SLC12A3: variants seen among roughly 807,000 people sequenced by gnomAD.
The protein encoded by SLC12A3 is Na-Cl cotransporter.
A neutral mutation model predicts 121.0 loss-of-function variants in SLC12A3; 104 were observed. The observed-to-expected ratio is 0.86, with a 90% CI of 0.73 to 1.01. The LOEUF (loss-of-function observed/expected upper bound fraction) is 1.01. Among genes scored for constraint, SLC12A3 ranks in the 50% least tolerant of loss-of-function variants. The pLI is 0.00. For missense variants in SLC12A3, 1,328 were observed against 1,356.3 expected (o/e 0.98, Z 0.33); for synonymous variants, 536 against 533.4 (o/e 1.00, Z -0.07).
intron 8 of SLC12A3, among the ~76,000 whole-genome samples, chr16:56,877,120 G>A (rs910207402): frequency 1.8e-4 from 27 of 152,312 alleles, no homozygotes; most frequent in Admixed American, 1.2e-3. Flanking sequence ...GGCCGGGCGC[G>A]GGGGCTCACG....
chr16:56,887,798 A>ATATATATATATATATATATATATATTT (rs1433682477), intron 17 of SLC12A3, 127 bp from the exon 18 acceptor site: 1 of 68,434 alleles, frequency 1.5e-5, no homozygotes, highest in Non-Finnish European at 2.9e-5. Context: ...ATATATATAT[A>ATATATATATATATATATATATATATTT]TTTTTTTTTT....
Position 56,890,367 on chromosome 16 carries a change from GCCCCA to G in SLC12A3, c.2368+15_2368+19del. 1 of 1,611,090 alleles carries G rather than the reference GCCCCA, an allele frequency of 6.2e-7. No individual in the cohort carries two copies. Among genetic ancestry groups the G allele is most frequent in the Non-Finnish European group, 8.5e-7 (1 of 1,177,258 alleles). ...TGATGCAGGCGCACAGTGAGTACAT[GCCCCA>G]CCCACTCCCAGAAAGTTCTAGAACA... is the stretch of plus-strand genomic sequence containing the variant. On this transcript the variant is annotated intron_variant, in intron 19 of 25. Coordinates refer to ENST00000563236, the MANE Select transcript of SLC12A3 (RefSeq NM_001126108.2).
chr16:56,893,035 C>T lies in SLC12A3; in HGVS notation c.2502C>T (p.Tyr834=), dbSNP rs2055411248. The T allele has an allele frequency of 2.0e-5, 32 of 1,614,016 alleles. No individual in the cohort carries two copies. In the East Asian group the frequency reaches 6.5e-4, roughly 33 times the overall value. The change falls in exon 21 of 26, where the codon TAC becomes TAT. Residue 834 remains tyrosine (Y), a synonymous_variant. Transcript: ENST00000563236. ...AGGGCAAGAAGACCATAGACATCTA[C>T]TGGCTCTTTGACGATGGAGGTCAGT... The part of the protein sequence containing the change: ...SEQGKKTIDI[Y]WLFDDGGLTL...
At chr16:56,867,451 C>A (rs1397841021) in intron 2 of SLC12A3, among the ~76,000 whole-genome samples, 1 of 152,182 alleles carries the variant, frequency 6.6e-6, no homozygotes. Flanking sequence ...ACACACAAAT[C>A]CGTAAATGTG....
At position 56,872,656 on chromosome 16, in the gene SLC12A3, C is replaced by T. The variant is rs142679083; in HGVS notation, c.965C>T (p.Ala322Val). The T allele has an allele frequency of 2.4e-3, 3,888 of 1,614,262 alleles. 11 individuals are homozygous for T. Among genetic ancestry groups the T allele is most frequent in the Non-Finnish European group, 2.8e-3 (3,349 of 1,180,050 alleles). Reference sequence around the variant, plus strand: ...TACTCATCAGGCCTTGCTTTTCCAGCGGACATTTTTGTCCAGAACTTGGTG... The same window carrying T: ...TACTCATCAGGCCTTGCTTTTCCAGTGGACATTTTTGTCCAGAACTTGGTG... ...KASKGFFSYRADIFVQNLVPD... is the reference protein window; with the variant it reads ...KASKGFFSYRVDIFVQNLVPD... The change falls in exon 8 of 26, where the codon GCG (alanine) becomes GTG (valine). Residue 322 changes from alanine (A) to valine (V), a missense_variant and splice_region_variant. Coordinates refer to ENST00000563236, the MANE Select transcript of SLC12A3 (RefSeq NM_001126108.2).
chr16:56,883,501 C>T (rs1386227094), intron 13 of SLC12A3, among the ~76,000 whole-genome samples: 5 of 152,096 alleles, frequency 3.3e-5, no homozygotes, highest in Admixed American at 6.5e-5. Flanking sequence ...AGGATGGTCT[C>T]GATCTCCTGA....
intron 6 of SLC12A3, 23 bp downstream of exon 6, chr16:56,870,759 G>T: frequency 6.9e-7 from 1 of 1,457,546 alleles, no homozygotes; most frequent in Non-Finnish European, 9.6e-7. Context: ...TGGAGGAGGG[G>T]GACATGGAGG....
chr16:56,913,589 T>C lies in SLC12A3; in HGVS notation c.*184T>C. The stretch of plus-strand genomic sequence containing the variant: ...CTGGACTCCACTTCCATGGGACACA[T>C]TCCCTGGGTCTTGTGTTTATAGGCT... On this transcript the variant is annotated 3_prime_UTR_variant, in exon 26 of 26. Coordinates refer to ENST00000563236, the MANE Select transcript of SLC12A3 (RefSeq NM_001126108.2). The C allele has an allele frequency of 1.5e-6, 1 of 680,178 alleles. No individual in the cohort carries two copies. The highest frequency in any genetic ancestry group is 2.7e-6 in the Non-Finnish European group (1 of 375,658). The allele number at this position is 680,178 out of a possible 1,614,324, so 42.1% of individuals were successfully genotyped here. A position where few individuals can be genotyped will look rare whatever the true frequency, so the allele number is the denominator to read the frequency against.
intron 24 of SLC12A3, chr16:56,904,176 G>C: frequency 1.9e-6 from 1 of 525,780 alleles, no homozygotes; most frequent in Non-Finnish European, 3.5e-6. Context: ...GCAAGGAAAA[G>C]CCACAGAATG....
intron 19 of SLC12A3, among the ~76,000 whole-genome samples, 193 bp from the exon 20 acceptor site, chr16:56,891,890 T>A (rs373539096): frequency 6.6e-6 from 1 of 151,992 alleles, no homozygotes; most frequent in Non-Finnish European, 1.5e-5. Flanking sequence ...GAGGAGGCCA[T>A]GCGCGACTGG....
At chr16:56,895,308 C>G (rs1334625895) in intron 22 of SLC12A3, among the ~76,000 whole-genome samples, 1 of 149,466 alleles carries the variant, frequency 6.7e-6, no homozygotes, top group Non-Finnish European at 1.5e-5. Flanking sequence ...TCTCCTGCCT[C>G]AGCCTCCCTA....
At position 56,884,036 on chromosome 16, in the gene SLC12A3, G is replaced by T. The variant is rs1291448732; in HGVS notation, c.1670-13G>T. The T allele has an allele frequency of 6.2e-7, 1 of 1,614,080 alleles. No homozygotes were observed. The highest frequency in any genetic ancestry group is 8.5e-7 in the Non-Finnish European group (1 of 1,179,968). On this transcript the variant is annotated splice_polypyrimidine_tract_variant and intron_variant, in intron 13 of 25. Coordinates refer to ENST00000563236, the MANE Select transcript of SLC12A3 (RefSeq NM_001126108.2). ...CTGCCAGGCATGCCCACTGACTGGTGCCCTTGGCCCAGGGTGGAGACCTTC... is the reference window on the plus strand; with the variant it reads ...CTGCCAGGCATGCCCACTGACTGGTTCCCTTGGCCCAGGGTGGAGACCTTC...
intron 25 of SLC12A3, among the ~76,000 whole-genome samples, chr16:56,909,629 A>G (rs11645870): frequency 0.09 from 13,737 of 152,110 alleles, 768 homozygotes; most frequent in Admixed American, 0.13. Context: ...GAGCAGCTGC[A>G]TCTCTCCATC....
At chr16:56,875,447 T>C (rs1454183475) in intron 8 of SLC12A3, among the ~76,000 whole-genome samples, 1 of 152,108 alleles carries the variant, frequency 6.6e-6, no homozygotes, top group Non-Finnish European at 1.5e-5. Context: ...ATTTTTACCA[T>C]GATATAGACA....
At chr16:56,883,824 T>C (rs1424365254) in intron 13 of SLC12A3, among the ~76,000 whole-genome samples, 1 of 152,218 alleles carries the variant, frequency 6.6e-6, no homozygotes, top group African/African-American at 2.4e-5. Flanking sequence ...TGGCCAGAGC[T>C]GGATGCTCCT....
At chr16:56,877,639 C>CA (rs2055179661) in intron 8 of SLC12A3, among the ~76,000 whole-genome samples, 1 of 152,130 alleles carries the variant, frequency 6.6e-6, no homozygotes, top group African/African-American at 2.4e-5. Context: ...AGATGAGGGG[C>CA]CGGGGTGTGA....
chr16:56,887,210 CT>C (rs1245909527), intron 17 of SLC12A3, 117 bp downstream of exon 17: 23,768 of 1,014,400 alleles, frequency 0.023, 3 homozygotes, highest in Non-Finnish European at 0.025. Flanking sequence ...GGAGCCCCAA[CT>C]TTTTTTTTTT....
chr16:56,902,526 G>T lies in SLC12A3; in HGVS notation c.2856+18G>T. On this transcript the variant is annotated intron_variant, in intron 24 of 25. Transcript: ENST00000563236. ...GAGTCAAGGTGCAGAGAGGGGTGGG[G>T]GTGGGAAACGCGACACATCACTGGG... is the stretch of plus-strand genomic sequence containing the variant. The T allele has an allele frequency of 1.3e-6, 2 of 1,554,462 alleles. No individual in the cohort carries two copies. The highest frequency in any genetic ancestry group is 2.3e-5 in the East Asian group (1 of 43,042).
Position 56,872,778 on chromosome 16 carries a change from G to A in SLC12A3, c.1087G>A (p.Asp363Asn), listed in dbSNP as rs1175984853. 1.2e-6 allele frequency: 2 copies of A among 1,614,244 alleles called. No homozygotes were observed. The highest frequency in any genetic ancestry group is 4.5e-5 in the East Asian group (2 of 44,892). Residue 363 changes from aspartate to asparagine, a missense_variant, in exon 8 of 26, where the codon GAC becomes AAC. Asp to Asn is a conservative substitution (Grantham distance 23). Transcript: ENST00000563236. ...CCTGGCAGGGGCCAACATATCTGGT[G>A]ACCTCAAGGTGAGCAGAATACTTGC... ...GILAGANISG[D>N]LKDPAIAIPK...
Sources: allele counts gnomAD v4.1 joint callset (sites outside exome capture counted in the v4.1 genomes callset), GRCh38; gene constraint gnomAD v4.1.1; transcripts MANE v1.5; gene names NCBI Gene and HGNC (gene_info 2026-07-23, HGNC 2026-07-21).